The following CFAP77 variants were observed in gnomAD, a reference collection of about 807,000 sequenced individuals.
CFAP77 encodes cilia and flagella associated protein 77.
A neutral mutation model predicts 31.1 loss-of-function variants in CFAP77; 25 were observed. The ratio of observed to expected loss-of-function variants is 0.80; its 90% CI spans 0.59 to 1.12. The LOEUF (loss-of-function observed/expected upper bound fraction) is 1.12. Ranked by LOEUF, CFAP77 falls within the 50% of genes most tolerant of loss-of-function variation. CFAP77 has a pLI of 0.00. For missense variants in CFAP77, 377 were observed against 397.3 expected (o/e 0.95, Z 0.44); for synonymous variants, 151 against 159.9 (o/e 0.94, Z 0.42).
Position 132,411,588 on chromosome 9 carries a change from C to T in CFAP77, c.195+1122C>T, listed in dbSNP as rs567595665. Among the ~76,000 whole-genome samples the T allele has an allele frequency of 1.3e-4, 20 of 152,250 alleles. No homozygotes were observed. The South Asian group carries it at 4.1e-3, about 32-fold the overall frequency. On this transcript the variant is annotated intron_variant, in intron 1 of 5. Transcript: ENST00000393216. ...CCATCGAATAGGCTCCTTTCTTAGG[C>T]CTCTCAAAGTGGAACAAGGTCCTTC...
At chr9:132,472,169 G>A (rs1008449065) in intron 1 of CFAP77, among the ~76,000 whole-genome samples, 2 of 152,124 alleles carry the variant, frequency 1.3e-5, no homozygotes, top group African/African-American at 4.8e-5. Context: ...TTAGGGATCA[G>A]GAATTGTGTC....
At chr9:132,433,020 C>T (rs546510311) in intron 1 of CFAP77, among the ~76,000 whole-genome samples, 5 of 151,076 alleles carry the variant, frequency 3.3e-5, no homozygotes, top group South Asian at 2.1e-4. Context: ...GGCCAATTTT[C>T]GTATTTTTAG....
chr9:132,526,348 G>A (rs1852361251), intron 3 of CFAP77, among the ~76,000 whole-genome samples: 1 of 151,976 alleles, frequency 6.6e-6, no homozygotes, highest in Non-Finnish European at 1.5e-5. Flanking sequence ...TCCTGCCTCA[G>A]CCTCCTGAGT....
At chr9:132,492,042 C>T (rs1004771879) in intron 1 of CFAP77, among the ~76,000 whole-genome samples, 13 of 152,180 alleles carry the variant, frequency 8.5e-5, no homozygotes, top group Admixed American at 6.5e-5. Context: ...AATCTCAGCA[C>T]TTTGGGAGGC....
chr9:132,530,805 G>A (rs1352944704), intron 3 of CFAP77, among the ~76,000 whole-genome samples: 1 of 152,044 alleles, frequency 6.6e-6, no homozygotes, highest in Admixed American at 6.6e-5. Flanking sequence ...TTTCTTTCAT[G>A]GGTTATATTT....
chr9:132,561,513 A>T (rs1829805294), intron 5 of CFAP77, among the ~76,000 whole-genome samples: 1 of 151,404 alleles, frequency 6.6e-6, no homozygotes, highest in Non-Finnish European at 1.5e-5. Flanking sequence ...TGGGTCAGGG[A>T]CCTGGACTCA....
chr9:132,473,181 CT>C (rs1296409396), intron 1 of CFAP77, among the ~76,000 whole-genome samples: 4 of 152,102 alleles, frequency 2.6e-5, no homozygotes, highest in African/African-American at 9.7e-5. Flanking sequence ...TCGTTCACCC[CT>C]AAGGGACGCA....
intron 3 of CFAP77, among the ~76,000 whole-genome samples, chr9:132,512,156 G>A (rs1589897032): frequency 6.6e-6 from 1 of 152,184 alleles, no homozygotes; most frequent in East Asian, 1.9e-4. Context: ...CGGGCTCTAG[G>A]GGAGGGTCTC....
intron 1 of CFAP77, among the ~76,000 whole-genome samples, chr9:132,420,268 TG>T (rs1850189588): frequency 6.6e-6 from 1 of 150,712 alleles, no homozygotes; most frequent in Non-Finnish European, 1.5e-5. Context: ...AGACGGCTGA[TG>T]AGGTTGGGCT....
rs143074626 is a variant in CFAP77, at chr9:132,497,795, C to T, written c.196-900C>T. On this transcript the variant is annotated intron_variant, in intron 1 of 5. Transcript: ENST00000393216. This position sits in a 1 kb window ranked among gnomAD's most constrained non-coding sequence, Gnocchi z 4.9. ...CAAACATTGTGCCTGGGATGCAGTC[C>T]GAACCCAGCAAGTGCCCACTGATGC... Among the ~76,000 whole-genome samples the T allele has an allele frequency of 1.9e-3, 291 of 152,270 alleles. 3 individuals are homozygous for T. Among genetic ancestry groups the T allele is most frequent in the African/African-American group, 5.9e-3 (244 of 41,556 alleles).
intron 3 of CFAP77, among the ~76,000 whole-genome samples, chr9:132,510,361 G>T (rs1041345729): frequency 2.0e-5 from 3 of 152,222 alleles, no homozygotes; most frequent in African/African-American, 7.2e-5. Context: ...AGTCCGGCTT[G>T]GTGCCTGGCC....
chr9:132,536,058 CAT>C (rs888269602), intron 3 of CFAP77, among the ~76,000 whole-genome samples: 2 of 151,910 alleles, frequency 1.3e-5, no homozygotes, highest in African/African-American at 2.4e-5. Flanking sequence ...GTATATGCAT[CAT>C]ATATATATGA....
chr9:132,559,891 A>G (rs1186113914), intron 5 of CFAP77, among the ~76,000 whole-genome samples: 1 of 152,194 alleles, frequency 6.6e-6, no homozygotes, highest in East Asian at 1.9e-4. Context: ...TGAACCTTGA[A>G]AACATGATGC....
At chr9:132,466,689 C>T (rs564456166) in intron 1 of CFAP77, among the ~76,000 whole-genome samples, 109 of 152,154 alleles carry the variant, frequency 7.2e-4, no homozygotes, top group South Asian at 1.7e-3. Context: ...TTAGTTCCCC[C>T]GACCTCCCGG....
intron 1 of CFAP77, among the ~76,000 whole-genome samples, chr9:132,484,332 A>T (rs1851501164): frequency 6.6e-6 from 1 of 152,206 alleles, no homozygotes. Context: ...GCAATGTCAT[A>T]CAACCATCAC....
chr9:132,458,349 G>GTC (rs1491445913), intron 1 of CFAP77, among the ~76,000 whole-genome samples: 1 of 114,104 alleles, frequency 8.8e-6, no homozygotes, highest in Admixed American at 8.6e-5. Context: ...TGGCGGGGGA[G>GTC]GGGGGGGGGT....
rs150380289 is a variant in CFAP77, at chr9:132,442,774, T to G, written c.195+32308T>G. On this transcript the variant is annotated intron_variant, in intron 1 of 5. Coordinates refer to ENST00000393216, the MANE Select transcript of CFAP77 (RefSeq NM_001282957.2). The stretch of plus-strand genomic sequence containing the variant: ...CCAGTCTGGTCTTAAACTCCTGGGC[T>G]CAAGCGATCCTCCCACTTCGGCCTC... Among the ~76,000 whole-genome samples the G allele has an allele frequency of 2.1e-3, 324 of 151,788 alleles. 2 individuals are homozygous for G. Among genetic ancestry groups the G allele is most frequent in the Non-Finnish European group, 3.5e-3 (240 of 67,918 alleles).
chr9:132,531,916 CT>C (rs967349820), intron 3 of CFAP77, among the ~76,000 whole-genome samples: 5 of 152,048 alleles, frequency 3.3e-5, no homozygotes, highest in African/African-American at 1.2e-4. Flanking sequence ...CTGAGGGTGC[CT>C]TTGTGGTGGC....
intron 1 of CFAP77, among the ~76,000 whole-genome samples, 195 bp downstream of exon 1, chr9:132,410,661 C>T (rs1362183259): frequency 7.2e-5 from 11 of 152,230 alleles, no homozygotes. Context: ...TTTCCCCATC[C>T]TCACAGTGGG....
Sources: allele counts gnomAD v4.1 joint callset (sites outside exome capture counted in the v4.1 genomes callset), GRCh38; gene constraint gnomAD v4.1.1; non-coding constraint Gnocchi (gnomAD v3.1); transcripts MANE v1.5; gene names NCBI Gene and HGNC (gene_info 2026-07-23, HGNC 2026-07-21).